Variants in NSUN6 observed in about 807,000 individuals in gnomAD.
The protein encoded by NSUN6 is tRNA (cytosine(72)-C(5))-methyltransferase NSUN6.
NSUN6 carries 64 observed loss-of-function variants against 58.0 expected under a neutral mutation model. That is an observed-to-expected ratio of 1.10 (90% CI 0.90 to 1.36). The LOEUF is 1.36. Ranked by LOEUF, NSUN6 falls within the 40% of genes most tolerant of loss-of-function variation. The probability of loss-of-function intolerance (pLI) is 0.00; values close to 1 mark genes in which losing one functional copy is unlikely to be tolerated. For missense variants in NSUN6, 701 were observed against 550.1 expected, an observed-to-expected ratio of 1.27 and a Z score of -2.74; for synonymous variants, 231 against 193.9, an observed-to-expected ratio of 1.19 and a Z score of -1.59.
upstream of NSUN6, chr10:18,651,871 C>G (rs1008512244): frequency 1.0e-6 from 1 of 985,280 alleles, no homozygotes; most frequent in Non-Finnish European, 1.2e-6. Context: ...GGGAAACAGC[C>G]AAATGGCGTG....
intron 8 of NSUN6, among the ~76,000 whole-genome samples, chr10:18,582,046 T>C (rs1369971294): frequency 6.6e-6 from 1 of 152,082 alleles, no homozygotes; most frequent in Admixed American, 6.6e-5. Flanking sequence ...GCTGAGGCGT[T>C]CTTCCCTTAC....
chr10:18,633,615 G>A (rs2059113738), intron 3 of NSUN6, among the ~76,000 whole-genome samples: 1 of 151,916 alleles, frequency 6.6e-6, no homozygotes, highest in Non-Finnish European at 1.5e-5. Flanking sequence ...TTATTACTTA[G>A]GATCAGGACC....
intron 8 of NSUN6, among the ~76,000 whole-genome samples, chr10:18,558,937 A>G (rs1160453284): frequency 6.6e-6 from 1 of 151,604 alleles, no homozygotes; most frequent in Non-Finnish European, 1.5e-5. Flanking sequence ...GGACTGGACA[A>G]TGGAATGGAA....
At chr10:18,573,620 C>T (rs75531151) in intron 8 of NSUN6, among the ~76,000 whole-genome samples, 7,383 of 152,200 alleles carry the variant, frequency 0.049, 275 homozygotes, top group Non-Finnish European at 0.077. Context: ...TTCTCCAGTA[C>T]GTGGATGACC....
chr10:18,612,244 C>G (rs913753112), intron 5 of NSUN6, among the ~76,000 whole-genome samples: 1 of 151,862 alleles, frequency 6.6e-6, no homozygotes, highest in South Asian at 2.1e-4. Context: ...ATGGCAAGAC[C>G]CCCATTTCTA....
intron 8 of NSUN6, among the ~76,000 whole-genome samples, chr10:18,578,786 G>T (rs2056778761): frequency 6.6e-6 from 1 of 152,128 alleles, no homozygotes; most frequent in African/African-American, 2.4e-5. Context: ...TTTTAAAAAT[G>T]GAATAAGGTG....
At chr10:18,639,006 G>C (rs1040054234) in intron 3 of NSUN6, among the ~76,000 whole-genome samples, 4 of 146,850 alleles carry the variant, frequency 2.7e-5, no homozygotes, top group Middle Eastern at 3.7e-3. Flanking sequence ...TGTAATCCTA[G>C]CTCTTTGGGA....
intron 8 of NSUN6, among the ~76,000 whole-genome samples, chr10:18,561,948 AGAG>A (rs2055546310): frequency 6.7e-6 from 1 of 149,698 alleles, no homozygotes; most frequent in Non-Finnish European, 1.5e-5. Flanking sequence ...AGAATGGAAA[AGAG>A]TGGAATGGAA....
rs770201033 is a variant in NSUN6 at position 18,546,120 on chromosome 10, A to C, written c.1223T>G (p.Met408Arg). Reference sequence around the variant, plus strand: ...TTCACATGAGAGCCCAGCTCCCCTCATTCCTTCTCCTCCAATCTGCGGTTC... The same window carrying C: ...TTCACATGAGAGCCCAGCTCCCCTCCTTCCTTCTCCTCCAATCTGCGGTTC... ...PQEPQIGGEG[M>R]RGAGLSCEQL... The change falls in exon 11 of 11, where the codon ATG becomes AGG. Residue 408 changes from methionine (M) to arginine (R), a missense_variant. Physicochemically the swap from Met to Arg is moderately conservative, Grantham distance 91. Transcript: ENST00000377304. 3.6e-5 allele frequency: 58 copies of C among 1,613,384 alleles called. No homozygotes were observed. The highest frequency in any genetic ancestry group is 3.3e-4 in the Middle Eastern group (2 of 6,082).
At chr10:18,553,200 T>C (rs1483054540) in intron 8 of NSUN6, among the ~76,000 whole-genome samples, 8 of 151,838 alleles carry the variant, frequency 5.3e-5, no homozygotes, top group South Asian at 2.1e-4. Flanking sequence ...TTCCATTCCA[T>C]TGCATTCTCC....
intron 3 of NSUN6, among the ~76,000 whole-genome samples, chr10:18,633,422 A>G (rs1190837583): frequency 7.9e-5 from 12 of 151,508 alleles, no homozygotes; most frequent in African/African-American, 2.9e-4. Context: ...ATAATAATAA[A>G]TTAATTAAAT....
At chr10:18,578,160 G>A (rs556782306) in intron 8 of NSUN6, among the ~76,000 whole-genome samples, 54 of 151,654 alleles carry the variant, frequency 3.6e-4, no homozygotes, top group Non-Finnish European at 7.1e-4. Flanking sequence ...TGAGTCCTGA[G>A]TAACGAGCAG....
At chr10:18,585,926 A>G (rs755661096) in intron 8 of NSUN6, 23 bp downstream of exon 8, 8 of 1,560,314 alleles carry the variant, frequency 5.1e-6, no homozygotes, top group Non-Finnish European at 6.9e-6. Context: ...TCAATTAAAA[A>G]TAAGAAAATC....
intron 8 of NSUN6, among the ~76,000 whole-genome samples, chr10:18,579,101 C>T (rs2056792261): frequency 6.6e-6 from 1 of 152,094 alleles, no homozygotes; most frequent in African/African-American, 2.4e-5. Flanking sequence ...TTCTTTTATT[C>T]AAAATTAGAA....
chr10:18,631,126 C>T (rs1268394181), intron 3 of NSUN6, among the ~76,000 whole-genome samples: 1 of 152,114 alleles, frequency 6.6e-6, no homozygotes, highest in Non-Finnish European at 1.5e-5. Flanking sequence ...TGTAATCCAG[C>T]ATATAAACAG....
chr10:18,550,113 T>G (rs1261417843), intron 9 of NSUN6, among the ~76,000 whole-genome samples: 1 of 152,242 alleles, frequency 6.6e-6, no homozygotes, highest in Non-Finnish European at 1.5e-5. Flanking sequence ...CTGTCAGCTT[T>G]TCCTTCTCAT....
Position 18,552,105 on chromosome 10 carries a change from C to T in NSUN6, c.923-134G>A. 5.1e-6 allele frequency: 3 copies of T among 591,712 alleles called. No homozygotes were observed. In the South Asian group the frequency reaches 7.5e-5, roughly 15 times the overall value. The allele number at this position is 591,712 out of a possible 1,614,324, so 36.7% of individuals were successfully genotyped here. ...ACAATTTCTCCCTTCAATCAAGTAG[C>T]TGGTTAAACTAATTTTGACTTATAC... On this transcript the variant is annotated intron_variant, in intron 8 of 10. Coordinates refer to ENST00000377304, the MANE Select transcript of NSUN6 (RefSeq NM_182543.5).
In NSUN6 at chr10:18,603,745, G is replaced by T. The variant is rs572143038; in HGVS notation, c.657+6100C>A. On this transcript the variant is annotated intron_variant, in intron 6 of 10. Transcript: ENST00000377304. ...GCCCACCTCAGCCTCCCAAACTGCT[G>T]GGATTACAGGCGTGAGCCACCGTGC... Among the ~76,000 whole-genome samples, 3 of 152,106 alleles carry T rather than the reference G, an allele frequency of 2.0e-5. No homozygotes were observed. The East Asian group carries it at 5.8e-4, about 29-fold the overall frequency.
rs2054620651 is a variant in NSUN6, at chr10:18,551,804, A to G, written c.1071+19T>C. On this transcript the variant is annotated intron_variant, in intron 9 of 10. Coordinates refer to ENST00000377304, the MANE Select transcript of NSUN6 (RefSeq NM_182543.5). ...TAGCAAAAGTTAACTTTGTTTCACA[A>G]AAACAGACCACCACATACTGCAGTG... 1 of 1,602,064 alleles carries G rather than the reference A, an allele frequency of 6.2e-7. No homozygotes were observed. The highest frequency in any genetic ancestry group is 1.7e-5 in the Admixed American group (1 of 58,712).
Sources: gnomAD v4.1 joint callset for allele counts (sites outside exome capture counted in the v4.1 genomes callset) on GRCh38, gnomAD v4.1.1 for gene constraint, MANE v1.5 for transcripts, NCBI Gene and HGNC (gene_info 2026-07-23, HGNC 2026-07-21) for gene names.